Variants in MEGF10 observed in about 807,000 individuals in gnomAD.
The protein encoded by MEGF10 is multiple epidermal growth factor-like domains protein 10.
MEGF10 carries 86 observed loss-of-function variants against 147.5 expected under a neutral mutation model. The observed-to-expected ratio is 0.58, with a 90% CI of 0.49 to 0.70. The LOEUF (loss-of-function observed/expected upper bound fraction) is 0.70. MEGF10 is among the 30% of genes least tolerant of loss of function. The pLI is 0.00. For synonymous variants in MEGF10, 478 were observed against 525.5 expected, an observed-to-expected ratio of 0.91 and a Z score of 1.24; for missense variants, 1,329 against 1,487.3, an observed-to-expected ratio of 0.89 and a Z score of 1.75.
chr5:127,320,050 C>T (rs1205914404), intron 1 of MEGF10, among the ~76,000 whole-genome samples: 1 of 152,094 alleles, frequency 6.6e-6, no homozygotes, highest in Non-Finnish European at 1.5e-5. Flanking sequence ...TATGTTCACA[C>T]AAAAGTCGAT....
At chr5:127,247,808 T>A in the MEGF10 span, among the ~76,000 whole-genome samples, 7,168 of 152,070 alleles carry the variant, frequency 0.047, 284 homozygotes, top group African/African-American at 0.1. Context: ...GCAGAAATGG[T>A]AACACAGGGC....
chr5:127,336,278 C>T (rs1761465364), intron 2 of MEGF10, among the ~76,000 whole-genome samples: 2 of 151,752 alleles, frequency 1.3e-5, no homozygotes, highest in African/African-American at 4.8e-5. Context: ...ATTTTATACT[C>T]CTATTTCCCC....
chr5:127,323,076 A>G (rs1760855009), intron 1 of MEGF10, among the ~76,000 whole-genome samples: 1 of 152,096 alleles, frequency 6.6e-6, no homozygotes, highest in Non-Finnish European at 1.5e-5. Context: ...GTAACTTTCA[A>G]GTAAATTTGA....
intron 4 of MEGF10, among the ~76,000 whole-genome samples, chr5:127,344,457 G>A (rs897415306): frequency 2.6e-5 from 4 of 152,212 alleles, no homozygotes; most frequent in African/African-American, 9.6e-5. Context: ...AGTGGAGGAG[G>A]AGGATGCAGA....
intron 19 of MEGF10, among the ~76,000 whole-genome samples, chr5:127,443,611 C>A (rs1487392478): frequency 6.6e-6 from 1 of 152,154 alleles, no homozygotes; most frequent in Non-Finnish European, 1.5e-5. Flanking sequence ...CCTTAAGCCC[C>A]AGGTAATCAC....
chr5:127,420,728 C>G (rs376830209), intron 12 of MEGF10, among the ~76,000 whole-genome samples: 8 of 152,176 alleles, frequency 5.3e-5, no homozygotes, highest in African/African-American at 1.9e-4. Flanking sequence ...TCACTCTATT[C>G]CCTTGACCTA....
In MEGF10 at chr5:127,460,075, C is replaced by G. The variant is rs1766508805; in HGVS notation, c.*2757C>G. The G allele has an allele frequency of 6.6e-6, 1 of 152,102 alleles. No homozygotes were observed. Among genetic ancestry groups the G allele is most frequent in the South Asian group, 2.1e-4 (1 of 4,820 alleles). 9.4% of individuals were successfully genotyped at this position (152,102 alleles called of 1,614,324 possible). A position where few individuals can be genotyped will look rare whatever the true frequency, so the allele number is the denominator to read the frequency against. On this transcript the variant is annotated 3_prime_UTR_variant, in exon 25 of 25. Coordinates refer to ENST00000503335, the MANE Select transcript of MEGF10 (RefSeq NM_001256545.2). ...TGAATCTATTCTCATGAACTTTGAA[C>G]CCATGTTAATTTTGGACCCTATAAC... is the stretch of plus-strand genomic sequence containing the variant.
chr5:127,387,785 T>C (rs1277299160), intron 5 of MEGF10, among the ~76,000 whole-genome samples: 1 of 152,238 alleles, frequency 6.6e-6, no homozygotes, highest in Non-Finnish European at 1.5e-5. Flanking sequence ...AATAGCTGCA[T>C]AATGTCCCTC....
intron 4 of MEGF10, among the ~76,000 whole-genome samples, chr5:127,351,861 C>T (rs1348230262): frequency 6.6e-6 from 1 of 152,210 alleles, no homozygotes; most frequent in East Asian, 1.9e-4. Context: ...TGCAATGGGA[C>T]ATCATTTTAA....
At chr5:127,296,367 A>G (rs1267786376) in intron 1 of MEGF10, among the ~76,000 whole-genome samples, 1 of 152,216 alleles carries the variant, frequency 6.6e-6, no homozygotes, top group African/African-American at 2.4e-5. Flanking sequence ...TTATACTCCT[A>G]GATAAAGAAA....
chr5:127,379,336 C>A (rs1158583682), intron 5 of MEGF10, among the ~76,000 whole-genome samples: 1 of 152,122 alleles, frequency 6.6e-6, no homozygotes, highest in African/African-American at 2.4e-5. Flanking sequence ...ATGCTGCTCT[C>A]CTTCCCAAAA....
chr5:127,439,412 A>G (rs1765674700), intron 17 of MEGF10, among the ~76,000 whole-genome samples: 1 of 110,994 alleles, frequency 9.0e-6, no homozygotes, highest in Admixed American at 9.0e-5. Context: ...GAAATTGAGC[A>G]ATTCTTATTT....
At chr5:127,262,238 A>T in the MEGF10 span, among the ~76,000 whole-genome samples, 1 of 152,116 alleles carries the variant, frequency 6.6e-6, no homozygotes, top group Non-Finnish European at 1.5e-5. Context: ...AATTTTACAG[A>T]TTTAGTAGGT....
At chr5:127,336,329 A>G (rs2126792840) in intron 2 of MEGF10, among the ~76,000 whole-genome samples, 1 of 152,070 alleles carries the variant, frequency 6.6e-6, no homozygotes, top group Non-Finnish European at 1.5e-5. Context: ...ATATTGTATT[A>G]CTTTCAGCAT....
the MEGF10 span, among the ~76,000 whole-genome samples, chr5:127,285,524 T>C: frequency 6.6e-6 from 1 of 152,098 alleles, no homozygotes; most frequent in Non-Finnish European, 1.5e-5. Context: ...AGTTATGTTG[T>C]AGTGTTCAGA....
At chr5:127,349,126 G>A (rs552049429) in intron 4 of MEGF10, among the ~76,000 whole-genome samples, 34 of 151,968 alleles carry the variant, frequency 2.2e-4, no homozygotes, top group African/African-American at 4.6e-4. Flanking sequence ...TTTATTCTAC[G>A]GACCACATTC....
chr5:127,347,017 G>A (rs1761918740), intron 4 of MEGF10, among the ~76,000 whole-genome samples: 2 of 151,974 alleles, frequency 1.3e-5, no homozygotes, highest in East Asian at 1.9e-4. Flanking sequence ...GATTTTGACT[G>A]TTTTGCCTAT....
At chr5:127,340,469 T>C in intron 3 of MEGF10, 61 bp from the exon 4 acceptor site, 1 of 1,291,404 alleles carries the variant, frequency 7.7e-7, no homozygotes, top group Non-Finnish European at 1.1e-6. Flanking sequence ...ATAACTAGTT[T>C]GAAATACTTT....
intron 17 of MEGF10, among the ~76,000 whole-genome samples, chr5:127,439,774 A>C (rs1580872668): frequency 6.6e-6 from 1 of 152,260 alleles, no homozygotes; most frequent in East Asian, 1.9e-4. Flanking sequence ...TGTGTGACTT[A>C]GGGTACTTGG....
Sources: gnomAD v4.1 joint callset for allele counts (sites outside exome capture counted in the v4.1 genomes callset) on GRCh38, gnomAD v4.1.1 for gene constraint, MANE v1.5 for transcripts, NCBI Gene and HGNC (gene_info 2026-07-23, HGNC 2026-07-21) for gene names.